The following RB1 variants were observed in gnomAD, a reference collection of about 807,000 sequenced individuals.
RB1 encodes the protein retinoblastoma-associated protein.
RB1 carries 18 observed loss-of-function variants against 135.4 expected under a neutral mutation model. That is an observed-to-expected ratio of 0.13 (90% CI 0.09 to 0.20). The LOEUF is 0.20. Ranked by LOEUF, RB1 falls within the 10% of genes least tolerant of loss-of-function variation. The probability of loss-of-function intolerance (pLI) is 1.00; values close to 1 mark genes in which losing one functional copy is unlikely to be tolerated. For synonymous variants in RB1, 365 were observed against 373.2 expected, an observed-to-expected ratio of 0.98 and a Z score of 0.25; for missense variants, 868 against 1,110.0, an observed-to-expected ratio of 0.78 and a Z score of 3.10.
chr13:48,372,377 G>A (rs376543730), intron 11 of RB1, among the ~76,000 whole-genome samples: 1 of 152,114 alleles, frequency 6.6e-6, no homozygotes, highest in African/African-American at 2.4e-5. Flanking sequence ...TTTGAAAGAC[G>A]AGGCTGGGTG....
At chr13:48,324,034 C>A (rs1217540992) in intron 2 of RB1, among the ~76,000 whole-genome samples, 1 of 151,822 alleles carries the variant, frequency 6.6e-6, no homozygotes, top group Non-Finnish European at 1.5e-5. Flanking sequence ...CTGTTGCTCT[C>A]CTTTTTTACT....
At chr13:48,324,910 T>G (rs1440635947) in intron 2 of RB1, among the ~76,000 whole-genome samples, 1 of 152,092 alleles carries the variant, frequency 6.6e-6, no homozygotes, top group East Asian at 1.9e-4. Flanking sequence ...TATTTGGAGC[T>G]TCATTCATGA....
At chr13:48,411,460 C>T (rs1420859060) in intron 17 of RB1, 1 of 1,612,926 alleles carries the variant, frequency 6.2e-7, no homozygotes, top group Non-Finnish European at 8.5e-7. Flanking sequence ...AAATTCTCTG[C>T]ACCATGAACT....
chr13:48,464,958 C>CTTTTTTTTTTTTTTTTTTTTTTTTTTTTT, intron 21 of RB1, 40 bp from the exon 22 acceptor site: 1 of 831,616 alleles, frequency 1.2e-6, no homozygotes, highest in Non-Finnish European at 1.6e-6. Flanking sequence ...GTAAATTTTA[C>CTTTTTTTTTTTTTTTTTTTTTTTTTTTTT]TTTTTTTTTT....
At chr13:48,316,662 C>CT (rs1327498606) in intron 2 of RB1, among the ~76,000 whole-genome samples, 4 of 150,550 alleles carry the variant, frequency 2.7e-5, no homozygotes, top group African/African-American at 9.8e-5. Context: ...TGGTGTACGT[C>CT]TATACAGGGC....
chr13:48,372,763 A>G (rs925635085), intron 11 of RB1, among the ~76,000 whole-genome samples: 2 of 152,216 alleles, frequency 1.3e-5, no homozygotes, highest in Non-Finnish European at 2.9e-5. Context: ...GGATCTTTTC[A>G]GCCCTAAACA....
At chr13:48,426,529 T>C (rs545383855) in intron 17 of RB1, 1 of 152,362 alleles carries the variant, frequency 6.6e-6, no homozygotes, top group African/African-American at 2.4e-5. Context: ...TATCCTCTAA[T>C]GTTGGAGCTA....
At chr13:48,417,242 C>A (rs186276465) in intron 17 of RB1, 1 of 153,388 alleles carries the variant, frequency 6.5e-6, no homozygotes, top group Non-Finnish European at 1.5e-5. Context: ...AGGCAGCAAT[C>A]TTTGTTGTTC....
At chr13:48,438,824 G>T (rs1949208616) in intron 17 of RB1, among the ~76,000 whole-genome samples, 1 of 152,012 alleles carries the variant, frequency 6.6e-6, no homozygotes, top group South Asian at 2.1e-4. Flanking sequence ...GCTCTTTGAG[G>T]GTAGAATTAT....
chr13:48,387,361 A>C (rs1195426910), intron 17 of RB1, among the ~76,000 whole-genome samples: 1 of 152,180 alleles, frequency 6.6e-6, no homozygotes, highest in Non-Finnish European at 1.5e-5. Context: ...TAATGTAAAA[A>C]AGCTATTAGC....
At chr13:48,394,339 A>G (rs1948631987) in intron 17 of RB1, among the ~76,000 whole-genome samples, 1 of 152,122 alleles carries the variant, frequency 6.6e-6, no homozygotes. Context: ...TTGGGCAGAT[A>G]CCGAGCTAGC....
chr13:48,318,500 C>T (rs1333220922), intron 2 of RB1: 28 of 1,125,238 alleles, frequency 2.5e-5, no homozygotes, highest in Non-Finnish European at 3.8e-6. Context: ...CCTGGCCCTG[C>T]GTCATGCGAG....
At chr13:48,344,548 G>A (rs997588522) in intron 3 of RB1, among the ~76,000 whole-genome samples, 2 of 152,104 alleles carry the variant, frequency 1.3e-5, no homozygotes, top group Admixed American at 6.5e-5. Context: ...AAGGGGTGGG[G>A]TAAGTCCAGA....
Position 48,364,957 on chromosome 13 carries a change from A to G in RB1, c.925A>G (p.Asn309Asp), listed in dbSNP as rs1328571912. The G allele has an allele frequency of 6.4e-7, 1 of 1,571,896 alleles. No homozygotes were observed. ...FMNSLGLVTS[N>D]GLPEVENLSK... is the part of the protein sequence containing the mutation. Reference sequence around the variant, plus strand: ...GAATTCTCTTGGACTTGTAACATCTAATGGACTTCCAGAGGTAATCTGAAA... The same window carrying G: ...GAATTCTCTTGGACTTGTAACATCTGATGGACTTCCAGAGGTAATCTGAAA... The change falls in exon 9 of 27, where the codon AAT becomes GAT. Residue 309 changes from asparagine (N) to aspartate (D), a missense_variant. Coordinates refer to ENST00000267163, the MANE Select transcript of RB1 (RefSeq NM_000321.3).
At chr13:48,333,574 TTGTG>T (rs944119040) in intron 2 of RB1, among the ~76,000 whole-genome samples, 1 of 151,860 alleles carries the variant, frequency 6.6e-6, no homozygotes. Context: ...ATGTCGTTCT[TTGTG>T]TGTGTGTATG....
chr13:48,342,789 T>C (rs981839952), intron 3 of RB1, 75 bp downstream of exon 3: 7 of 1,033,942 alleles, frequency 6.8e-6, no homozygotes, highest in Non-Finnish European at 8.9e-6. Flanking sequence ...CAATAGACTT[T>C]TGTGAATTAG....
chr13:48,437,970 C>G (rs1451096955), intron 17 of RB1, among the ~76,000 whole-genome samples: 1 of 152,066 alleles, frequency 6.6e-6, no homozygotes, highest in Non-Finnish European at 1.5e-5. Flanking sequence ...TTGTGCTTTG[C>G]TGTAGTTAAT....
In RB1 at chr13:48,400,718, T is replaced by C. The variant is rs151164259; in HGVS notation, c.1695+19275T>C. On this transcript the variant is annotated intron_variant, in intron 17 of 26. Transcript: ENST00000267163. ...TTATGTCTCTGTATCTCAGGTTTCC[T>C]TGTATGTAAAATAGGGATAACTTTC... is the stretch of plus-strand genomic sequence containing the variant. Among the ~76,000 whole-genome samples, 32 of 152,248 alleles carry C rather than the reference T, an allele frequency of 2.1e-4. No individual in the cohort carries two copies. In the East Asian group the frequency reaches 6.2e-3, roughly 29 times the overall value.
At chr13:48,436,021 A>C (rs1949179877) in intron 17 of RB1, among the ~76,000 whole-genome samples, 1 of 152,176 alleles carries the variant, frequency 6.6e-6, no homozygotes, top group Non-Finnish European at 1.5e-5. Context: ...ATCTATTGTA[A>C]ATATAAAGAC....
Sources: allele counts gnomAD v4.1 joint callset (sites outside exome capture counted in the v4.1 genomes callset), GRCh38; gene constraint gnomAD v4.1.1; transcripts MANE v1.5; gene names NCBI Gene and HGNC (gene_info 2026-07-23, HGNC 2026-07-21).